WNK1: variants seen among roughly 807,000 people sequenced by gnomAD.
The protein encoded by WNK1 is serine/threonine-protein kinase WNK1.
In WNK1, 38 loss-of-function variants were observed where a neutral mutation model predicts 222.8. That is an observed-to-expected ratio of 0.17 (90% CI 0.13 to 0.22). The LOEUF (loss-of-function observed/expected upper bound fraction) is 0.22, where lower values mean the gene tolerates loss of function less well. Among genes scored for constraint, WNK1 ranks in the 10% least tolerant of loss-of-function variants. The pLI is 1.00. For missense variants in WNK1, 2,348 were observed against 2,918.4 expected (o/e 0.80, Z 4.50); for synonymous variants, 1,090 against 1,092.9 (o/e 1.00, Z 0.05).
chr12:885,862 C>T lies in WNK1; in HGVS notation c.5058C>T (p.Ser1686=). 6.2e-7 allele frequency: 1 copy of T among 1,613,696 alleles called. No individual in the cohort carries two copies. Among genetic ancestry groups the T allele is most frequent in the Non-Finnish European group, 8.5e-7 (1 of 1,179,652 alleles). ...TGGAGACCTCACTAGTCATAGAGAG[C>T]ACTGTCACACCAGGCATCCCAACTA... is the stretch of plus-strand genomic sequence containing the variant. The part of the protein sequence containing the change: ...VSLETSLVIE[S]TVTPGIPTTA... Residue 1686 remains serine (S), a synonymous_variant, in exon 19 of 28, where the codon AGC becomes AGT. Transcript: ENST00000315939.
intron 4 of WNK1, among the ~76,000 whole-genome samples, chr12:831,148 G>A (rs773075766): frequency 5.3e-5 from 8 of 152,056 alleles, no homozygotes; most frequent in East Asian, 1.9e-4. Context: ...TTTTTTACTC[G>A]CATTCACCCA....
chr12:821,636 T>C (rs1947889190), intron 2 of WNK1, among the ~76,000 whole-genome samples: 1 of 152,262 alleles, frequency 6.6e-6, no homozygotes, highest in South Asian at 2.1e-4. Flanking sequence ...GAAAGTGGAA[T>C]ACTGAAGTCT....
intron 1 of WNK1, among the ~76,000 whole-genome samples, chr12:786,469 CTTTT>C (rs71051383): frequency 7.2e-6 from 1 of 139,648 alleles, no homozygotes. Flanking sequence ...TCTATCTTCC[CTTTT>C]TTTTTTTTTT....
At position 825,671 on chromosome 12, in the gene WNK1, A is replaced by C. The variant is rs546156851; in HGVS notation, c.933-1371A>C. Among the ~76,000 whole-genome samples, 117 of 152,330 alleles carry C rather than the reference A, an allele frequency of 7.7e-4. 1 individual carries two copies. Among genetic ancestry groups the C allele is most frequent in the African/African-American group, 2.6e-3 (109 of 41,574 alleles). On this transcript the variant is annotated intron_variant, in intron 2 of 27. Coordinates refer to ENST00000315939, the MANE Select transcript of WNK1 (RefSeq NM_018979.4). ...GACAGCCAAATGTTAACAGTATAGA[A>C]AATTTTACCTCAACAAATAGAGAAT...
chr12:889,365 C>T lies in WNK1; in HGVS notation c.5448+142C>T. On this transcript the variant is annotated intron_variant, in intron 21 of 27. Coordinates refer to ENST00000315939, the MANE Select transcript of WNK1 (RefSeq NM_018979.4). ...CTTATTCTAGCCAAAAGAAATGAGA[C>T]TGATTAATGAAAGATTCATGCTGAC... 4 of 757,240 alleles carry T rather than the reference C, an allele frequency of 5.3e-6. No individual in the cohort carries two copies. In the East Asian group the frequency reaches 1.1e-4, roughly 20 times the overall value. 46.9% of individuals were successfully genotyped at this position (757,240 alleles called of 1,614,324 possible). A position where few individuals can be genotyped will look rare whatever the true frequency, so the allele number is the denominator to read the frequency against.
intron 3 of WNK1, among the ~76,000 whole-genome samples, chr12:829,730 T>C (rs144239173): frequency 3.8e-4 from 58 of 152,344 alleles, no homozygotes; most frequent in Middle Eastern, 3.4e-3. Flanking sequence ...TGGCATATTG[T>C]ATAAAGAAAT....
chr12:879,514 T>TTTTTTTTTTTTTTTTTTTTTTTTATC, intron 10 of WNK1, 59 bp from the exon 11 acceptor site: 1 of 43,858 alleles, frequency 2.3e-5, no homozygotes, highest in Non-Finnish European at 4.7e-5. Flanking sequence ...GCAGCCTTGC[T>TTTTTTTTTTTTTTTTTTTTTTTTATC]TTTTTTTTTT....
rs907226218 is a variant in WNK1, at chr12:827,896, G to A, written c.1153+634G>A. Among the ~76,000 whole-genome samples the A allele has an allele frequency of 2.0e-5, 3 of 147,528 alleles. No individual in the cohort carries two copies. The highest frequency in any genetic ancestry group is 7.4e-5 in the African/African-American group (3 of 40,302). ...ACTATTTATTTAATACATACAGTAT[G>A]TCACTTCATGAAAGAAATGGAATTT... On this transcript the variant is annotated intron_variant, in intron 3 of 27. Coordinates refer to ENST00000315939, the MANE Select transcript of WNK1 (RefSeq NM_018979.4). This position sits in a 1 kb window ranked among gnomAD's most constrained non-coding sequence, Gnocchi z 4.6.
At chr12:844,693 A>G (rs1484055935) in intron 4 of WNK1, among the ~76,000 whole-genome samples, 1 of 152,096 alleles carries the variant, frequency 6.6e-6, no homozygotes, top group African/African-American at 2.4e-5. Context: ...ACCAATCTCC[A>G]TTCCCATCTT....
chr12:754,407 A>T, intron 1 of WNK1, 83 bp downstream of exon 1: 1 of 1,575,116 alleles, frequency 6.3e-7, no homozygotes, highest in Non-Finnish European at 8.7e-7. Context: ...TTCACCCTTC[A>T]CTTGGCATTC....
In WNK1 at chr12:882,000, G is replaced by C; in HGVS notation, c.3299G>C (p.Arg1100Pro). The C allele has an allele frequency of 6.2e-7, 1 of 1,614,026 alleles. No individual in the cohort carries two copies. The highest frequency in any genetic ancestry group is 8.5e-7 in the Non-Finnish European group (1 of 1,180,004). The change falls in exon 14 of 28, where the codon CGG becomes CCG. Residue 1100 changes from arginine to proline, a missense_variant. Transcript: ENST00000315939. ...SGRHEGRTTKRHYRKSVRSRS... is the reference protein window; with the variant it reads ...SGRHEGRTTKPHYRKSVRSRS... ...AGGCATGAAGGAAGAACTACAAAAC[G>C]GCATTACCGAAAATCTGTAAGGAGT...
rs370739397 is a variant in WNK1, at chr12:882,219, C to A, written c.3372+146C>A. ...ACAGATAATTTTTTTTTTTTTTAGACGGAGTCTCGCTCTGTCGCCCAGGCT... is the reference window on the plus strand; with the variant it reads ...ACAGATAATTTTTTTTTTTTTTAGAAGGAGTCTCGCTCTGTCGCCCAGGCT... On this transcript the variant is annotated intron_variant, in intron 14 of 27. Transcript: ENST00000315939. 5 of 879,490 alleles carry A rather than the reference C, an allele frequency of 5.7e-6. No individual in the cohort carries two copies. The Admixed American group carries it at 1.0e-4, about 18-fold the overall frequency. 54.5% of individuals were successfully genotyped at this position (879,490 alleles called of 1,614,324 possible).
chr12:836,035 C>T (rs1044177676), intron 4 of WNK1, among the ~76,000 whole-genome samples: 3 of 152,020 alleles, frequency 2.0e-5, no homozygotes, highest in Non-Finnish European at 4.4e-5. Flanking sequence ...AGAAGCTGAA[C>T]TAGGTTTATT....
intron 22 of WNK1, among the ~76,000 whole-genome samples, chr12:891,937 A>G (rs1198214838): frequency 1.3e-5 from 2 of 151,894 alleles, no homozygotes; most frequent in East Asian, 1.9e-4. Flanking sequence ...CAAAAAAAAA[A>G]TCATGCATGA....
intron 26 of WNK1, among the ~76,000 whole-genome samples, chr12:903,115 A>T (rs1955410544): frequency 6.6e-6 from 1 of 152,120 alleles, no homozygotes; most frequent in African/African-American, 2.4e-5. Context: ...CATTTCCCTC[A>T]CACATACCCC....
At chr12:841,955 G>A (rs1386355187) in intron 4 of WNK1, among the ~76,000 whole-genome samples, 2 of 151,996 alleles carry the variant, frequency 1.3e-5, no homozygotes, top group Non-Finnish European at 2.9e-5. Context: ...AATTTTAGGG[G>A]GACACAAACA....
intron 11 of WNK1, 143 bp from the exon 12 acceptor site, chr12:880,578 A>T: frequency 1.1e-6 from 1 of 912,476 alleles, no homozygotes; most frequent in East Asian, 2.4e-5. Flanking sequence ...TGGTCTTTAT[A>T]TGCCCTTTAG....
intron 22 of WNK1, among the ~76,000 whole-genome samples, chr12:892,292 G>A (rs1954323516): frequency 1.3e-5 from 2 of 151,930 alleles, no homozygotes; most frequent in Admixed American, 1.3e-4. Context: ...TAAAGGGCGA[G>A]ATGGTACAAA....
At chr12:832,176 C>T (rs910736397) in intron 4 of WNK1, among the ~76,000 whole-genome samples, 4 of 151,926 alleles carry the variant, frequency 2.6e-5, no homozygotes, top group Admixed American at 1.3e-4. Flanking sequence ...CCTGGGTTCA[C>T]GCTATTCTCC....
Sources: gnomAD v4.1 joint callset for allele counts (sites outside exome capture counted in the v4.1 genomes callset) on GRCh38, gnomAD v4.1.1 for gene constraint, Gnocchi (gnomAD v3.1) non-coding constraint, MANE v1.5 for transcripts, NCBI Gene and HGNC (gene_info 2026-07-23, HGNC 2026-07-21) for gene names.